Variants in VLDLR observed in about 807,000 individuals in gnomAD.
VLDLR encodes the protein very low-density lipoprotein receptor.
Under a neutral mutation model 112.7 loss-of-function variants are expected in VLDLR, and 81 were observed. The observed-to-expected ratio is 0.72, with a 90% confidence interval of 0.60 to 0.86. VLDLR has a LOEUF of 0.86. Ranked by LOEUF, VLDLR falls within the 40% of genes least tolerant of loss-of-function variation. VLDLR has a pLI of 0.00. For missense variants in VLDLR, 1,237 were observed against 1,099.4 expected (o/e 1.13, Z -1.77); for synonymous variants, 436 against 384.8 (o/e 1.13, Z -1.56).
At position 2,658,116 on chromosome 9, in the gene VLDLR, G is replaced by GAAAC. The variant is rs1246927473; in HGVS notation, c.*4250_*4253dup. On this transcript the variant is annotated 3_prime_UTR_variant, in exon 19 of 19. Coordinates refer to ENST00000382100, the MANE Select transcript of VLDLR (RefSeq NM_003383.5). ...AATCCAGCCTGGAGGATTTTTAGCC[G>GAAAC]AAACAGTTGCATGTGAAGGATTATC... 6.6e-6 allele frequency: 1 copy of GAAAC among 152,148 alleles called. No homozygotes were observed. The highest frequency in any genetic ancestry group is 1.5e-5 in the Non-Finnish European group (1 of 68,028). 9.4% of individuals were successfully genotyped at this position (152,148 alleles called of 1,614,324 possible). A position where few individuals can be genotyped will look rare whatever the true frequency, so the allele number is the denominator to read the frequency against.
In VLDLR at chr9:2,627,020, T is replaced by A. The variant is rs35112745; in HGVS notation, c.82+4749T>A. 5.6e-3 allele frequency among the ~76,000 whole-genome samples: 850 copies of A among 152,312 alleles called. 12 individuals carry two copies. Among genetic ancestry groups the A allele is most frequent in the African/African-American group, 0.018 (755 of 41,564 alleles). ...AACCACTTAATGTACATCTACTGAG[T>A]ACCTACCATATGGCACCAGGCATGG... On this transcript the variant is annotated intron_variant, in intron 1 of 18. Coordinates refer to ENST00000382100, the MANE Select transcript of VLDLR (RefSeq NM_003383.5).
rs748698778 is a variant in VLDLR, at chr9:2,639,972, G to C, written c.316G>C (p.Glu106Gln). The C allele has an allele frequency of 1.9e-6, 3 of 1,614,216 alleles. No homozygotes were observed. The highest frequency in any genetic ancestry group is 2.5e-6 in the Non-Finnish European group (3 of 1,180,042). Residue 106 changes from glutamate to glutamine, a missense_variant, in exon 3 of 19, where the codon GAA becomes CAA. By Grantham distance (29) the Glu-to-Gln change is conservative (BLOSUM62 2). Transcript: ENST00000382100. ...DCEDGSDESP[E>Q]QCHMRTCRIH... ...CGAAGATGGTTCAGATGAAAGCCCA[G>C]AACAGTGCCGTGAGTGTAACTTGCT... is the stretch of plus-strand genomic sequence containing the variant.
chr9:2,641,546 A>G (rs1817825516), intron 4 of VLDLR, 47 bp downstream of exon 4: 6 of 1,612,386 alleles, frequency 3.7e-6, no homozygotes, highest in Middle Eastern at 3.3e-4. Context: ...CCCTTTTCCT[A>G]AAGGAAGGGT....
chr9:2,633,406 T>C (rs1001699573), intron 1 of VLDLR, among the ~76,000 whole-genome samples: 2 of 152,158 alleles, frequency 1.3e-5, no homozygotes, highest in Non-Finnish European at 2.9e-5. Context: ...CAGGCCACTC[T>C]GAGTGCCTAG....
At chr9:2,631,906 A>G (rs1425122688) in intron 1 of VLDLR, among the ~76,000 whole-genome samples, 2 of 152,048 alleles carry the variant, frequency 1.3e-5, no homozygotes, top group African/African-American at 4.8e-5. Context: ...TGAACTGCCA[A>G]TGTGTCTGTG....
At chr9:2,635,041 T>G (rs1216229145) in intron 1 of VLDLR, among the ~76,000 whole-genome samples, 2 of 152,186 alleles carry the variant, frequency 1.3e-5, no homozygotes, top group African/African-American at 4.8e-5. Flanking sequence ...GGATTCCTTC[T>G]ATTTTCGTCT....
At chr9:2,650,752 C>T (rs559498909) in intron 15 of VLDLR, among the ~76,000 whole-genome samples, 1 of 152,230 alleles carries the variant, frequency 6.6e-6, no homozygotes, top group Admixed American at 6.5e-5. Context: ...CTAATTTGTA[C>T]CTAGTCCCTT....
chr9:2,634,961 G>A (rs1008313487), intron 1 of VLDLR, among the ~76,000 whole-genome samples: 4 of 152,186 alleles, frequency 2.6e-5, no homozygotes, highest in Non-Finnish European at 5.9e-5. Flanking sequence ...AGCCACACAC[G>A]TAGTTTCAAC....
chr9:2,649,958 A>G (rs1313623586), intron 14 of VLDLR, among the ~76,000 whole-genome samples: 1 of 152,172 alleles, frequency 6.6e-6, no homozygotes, highest in Non-Finnish European at 1.5e-5. Context: ...AAAGCCTTCA[A>G]ACCTTCCTAA....
At chr9:2,627,033 G>A (rs1817123958) in intron 1 of VLDLR, among the ~76,000 whole-genome samples, 1 of 150,618 alleles carries the variant, frequency 6.6e-6, no homozygotes, top group Non-Finnish European at 1.5e-5. Context: ...CTACCATATG[G>A]CACCAGGCAT....
Position 2,657,790 on chromosome 9 carries a change from A to T in VLDLR, c.*3922A>T, listed in dbSNP as rs1465287441. 6.6e-6 allele frequency: 1 copy of T among 152,190 alleles called. No homozygotes were observed. The highest frequency in any genetic ancestry group is 1.5e-5 in the Non-Finnish European group (1 of 68,030). 9.4% of individuals were successfully genotyped at this position (152,190 alleles called of 1,614,324 possible). ...CACATCAAGCGATTTCACTCTCTTA[A>T]AGAAAAGGTTTTTAGGTATTTTTGG... On this transcript the variant is annotated 3_prime_UTR_variant, in exon 19 of 19. Coordinates refer to ENST00000382100, the MANE Select transcript of VLDLR (RefSeq NM_003383.5).
At chr9:2,650,586 T>A in intron 15 of VLDLR, 70 bp downstream of exon 15, 2 of 1,591,560 alleles carry the variant, frequency 1.3e-6, no homozygotes, top group Non-Finnish European at 1.7e-6. Context: ...CAAGCTTGGA[T>A]TTTTAAGAAT....
At chr9:2,639,262 C>A (rs1163189167) in intron 2 of VLDLR, among the ~76,000 whole-genome samples, 1 of 152,168 alleles carries the variant, frequency 6.6e-6, no homozygotes. Context: ...TGTGTCCTTA[C>A]ATAGTAGATA....
chr9:2,621,933 C>T lies in VLDLR; in HGVS notation c.-257C>T, dbSNP rs1816797436. 1 of 648,286 alleles carries T rather than the reference C, an allele frequency of 1.5e-6. No homozygotes were observed. The highest frequency in any genetic ancestry group is 2.8e-6 in the Non-Finnish European group (1 of 355,076). The allele number at this position is 648,286 out of a possible 1,614,324, so 40.2% of individuals were successfully genotyped here. ...TCCTCTGCAGCGCCTGCATTATTTTCTGCCCGCAGGCTCGGCTTGCACTGC... is the reference window on the plus strand; with the variant it reads ...TCCTCTGCAGCGCCTGCATTATTTTTTGCCCGCAGGCTCGGCTTGCACTGC... On this transcript the variant is annotated 5_prime_UTR_variant, in exon 1 of 19. Coordinates refer to ENST00000382100, the MANE Select transcript of VLDLR (RefSeq NM_003383.5).
rs1026798987 is a variant in VLDLR, at chr9:2,655,350, C to T, written c.*1482C>T. On this transcript the variant is annotated 3_prime_UTR_variant, in exon 19 of 19. Transcript: ENST00000382100. The stretch of plus-strand genomic sequence containing the variant: ...CCATTACTTTCTTTCTCTAAAGTCT[C>T]AGGATGTCTGGAAGCAAGGAAAGAC... The T allele has an allele frequency of 6.6e-6, 1 of 152,030 alleles. No homozygotes were observed. Among genetic ancestry groups the T allele is most frequent in the East Asian group, 1.9e-4 (1 of 5,170 alleles). The allele number at this position is 152,030 out of a possible 1,614,324, so 9.4% of individuals were successfully genotyped here. A position where few individuals can be genotyped will look rare whatever the true frequency, so the allele number is the denominator to read the frequency against.
chr9:2,626,137 G>C (rs1176253999), intron 1 of VLDLR, among the ~76,000 whole-genome samples: 1 of 152,178 alleles, frequency 6.6e-6, no homozygotes, highest in Non-Finnish European at 1.5e-5. Flanking sequence ...TGAAATACTT[G>C]AAACCAGAAG....
In VLDLR at chr9:2,647,549, A is replaced by G. The variant is rs1254203158; in HGVS notation, c.1779A>G (p.Pro593=). Residue 593 remains proline (P), a synonymous_variant, in exon 12 of 19, where the codon CCA becomes CCG. Coordinates refer to ENST00000382100, the MANE Select transcript of VLDLR (RefSeq NM_003383.5). ...KAGMNGFDRR[P]LVTADIQWPN... ...GAATGAATGGATTCGATAGACGTCCACTGGTGACAGCGGATATCCAGTGGC... is the reference window on the plus strand; with the variant it reads ...GAATGAATGGATTCGATAGACGTCCGCTGGTGACAGCGGATATCCAGTGGC... The G allele has an allele frequency of 1.2e-6, 2 of 1,614,226 alleles. No individual in the cohort carries two copies. The highest frequency in any genetic ancestry group is 2.2e-5 in the South Asian group (2 of 91,088).
At position 2,628,563 on chromosome 9, in the gene VLDLR, T is replaced by C. The variant is rs539572926; in HGVS notation, c.82+6292T>C. ...CCCATTCTTGGCTATTCTAGGTTGC[T>C]TGAATCACTAGGTTGCTTGATATGG... On this transcript the variant is annotated intron_variant, in intron 1 of 18. Transcript: ENST00000382100. 3.9e-5 allele frequency among the ~76,000 whole-genome samples: 6 copies of C among 152,330 alleles called. No individual in the cohort carries two copies. The East Asian group carries it at 1.2e-3, about 29-fold the overall frequency.
intron 16 of VLDLR, 55 bp downstream of exon 16, chr9:2,651,553 T>C: frequency 6.9e-7 from 1 of 1,448,808 alleles, no homozygotes; most frequent in Non-Finnish European, 9.7e-7. Context: ...ACACTCTTTG[T>C]ATCTACAGCT....
Sources: allele counts gnomAD v4.1 joint callset (sites outside exome capture counted in the v4.1 genomes callset), GRCh38; gene constraint gnomAD v4.1.1; transcripts MANE v1.5; gene names NCBI Gene and HGNC (gene_info 2026-07-23, HGNC 2026-07-21).